GALNT13: variants seen among roughly 807,000 people sequenced by gnomAD.
The protein encoded by GALNT13 is polypeptide N-acetylgalactosaminyltransferase 13.
Under a neutral mutation model 64.2 loss-of-function variants are expected in GALNT13, and 28 were observed. The observed-to-expected ratio is 0.44, with a 90% CI of 0.32 to 0.60. The LOEUF (loss-of-function observed/expected upper bound fraction) is 0.60. Among genes scored for constraint, GALNT13 ranks in the 20% least tolerant of loss-of-function variants. The pLI is 0.05. For missense variants in GALNT13, 577 were observed against 669.8 expected (o/e 0.86, Z 1.53); for synonymous variants, 214 against 224.6 (o/e 0.95, Z 0.42).
the GALNT13 span, among the ~76,000 whole-genome samples, chr2:153,086,568 C>T: frequency 2.0e-5 from 3 of 152,138 alleles, no homozygotes; most frequent in African/African-American, 7.2e-5. Flanking sequence ...TCATTTGCCT[C>T]AGCCATGATT....
chr2:154,011,006 T>C (rs1344981354), intron 3 of GALNT13, among the ~76,000 whole-genome samples: 2 of 152,086 alleles, frequency 1.3e-5, no homozygotes, highest in Non-Finnish European at 2.9e-5. Flanking sequence ...TCTTTATTCA[T>C]ATAGCTAGTA....
the GALNT13 span, among the ~76,000 whole-genome samples, chr2:153,523,990 T>C: frequency 1.3e-5 from 2 of 152,200 alleles, no homozygotes; most frequent in Non-Finnish European, 1.5e-5. Context: ...AAACATTTAC[T>C]GGGAATTTTT....
At chr2:153,667,077 A>G in the GALNT13 span, among the ~76,000 whole-genome samples, 1 of 152,190 alleles carries the variant, frequency 6.6e-6, no homozygotes, top group South Asian at 2.1e-4. Flanking sequence ...TTCAGTCAGA[A>G]AAAAATAAAG....
At chr2:153,104,949 A>ATG in the GALNT13 span, among the ~76,000 whole-genome samples, 1 of 151,652 alleles carries the variant, frequency 6.6e-6, no homozygotes, top group Non-Finnish European at 1.5e-5. Flanking sequence ...GGTTAGTTAC[A>ATG]TATGTATACA....
chr2:154,027,072 G>A (rs765114613), intron 3 of GALNT13, among the ~76,000 whole-genome samples: 2 of 152,166 alleles, frequency 1.3e-5, no homozygotes, highest in African/African-American at 2.4e-5. Flanking sequence ...TTTATCTAGA[G>A]TGGAAGATTC....
At chr2:154,142,679 T>C (rs1420286765) in intron 4 of GALNT13, among the ~76,000 whole-genome samples, 3 of 151,964 alleles carry the variant, frequency 2.0e-5, no homozygotes, top group Non-Finnish European at 4.4e-5. Context: ...TTGTATACTT[T>C]TGAAATGTCT....
downstream of GALNT13, among the ~76,000 whole-genome samples, chr2:154,455,004 A>G (rs1702012886): frequency 6.6e-6 from 1 of 152,190 alleles, no homozygotes; most frequent in African/African-American, 2.4e-5. Context: ...GGAAATCAGC[A>G]GAGATTTCTA....
At chr2:153,885,007 C>G (rs1687073119) in intron 1 of GALNT13, among the ~76,000 whole-genome samples, 1 of 149,766 alleles carries the variant, frequency 6.7e-6, no homozygotes, top group Admixed American at 6.7e-5. Context: ...CCATTGCACT[C>G]CAGCCTGGCA....
At chr2:154,363,478 C>T (rs892085891) in intron 9 of GALNT13, among the ~76,000 whole-genome samples, 6 of 152,122 alleles carry the variant, frequency 3.9e-5, no homozygotes, top group East Asian at 1.9e-4. Context: ...GCTAATTGCA[C>T]GACCTTTTCT....
At chr2:153,490,685 C>T in the GALNT13 span, among the ~76,000 whole-genome samples, 11 of 152,262 alleles carry the variant, frequency 7.2e-5, no homozygotes, top group East Asian at 5.8e-4. Context: ...ATTGGCTGAG[C>T]GCAGTGGCTC....
intron 3 of GALNT13, among the ~76,000 whole-genome samples, chr2:154,093,530 C>G (rs1437076734): frequency 6.6e-6 from 1 of 151,932 alleles, no homozygotes; most frequent in Non-Finnish European, 1.5e-5. Flanking sequence ...AGAAGGAAAA[C>G]AGTTCAAACT....
At chr2:153,385,564 G>A in the GALNT13 span, among the ~76,000 whole-genome samples, 2 of 152,072 alleles carry the variant, frequency 1.3e-5, no homozygotes, top group South Asian at 4.1e-4. Flanking sequence ...GGGGTGGGGA[G>A]GTGGAGATGG....
the GALNT13 span, among the ~76,000 whole-genome samples, chr2:153,851,026 T>A: frequency 6.6e-6 from 1 of 152,190 alleles, no homozygotes; most frequent in Admixed American, 6.5e-5. Flanking sequence ...AATGAAAGAT[T>A]GACCAAATTT....
At chr2:154,090,781 C>T (rs1701765300) in intron 3 of GALNT13, among the ~76,000 whole-genome samples, 1 of 151,826 alleles carries the variant, frequency 6.6e-6, no homozygotes, top group Non-Finnish European at 1.5e-5. Context: ...ACATGTATGT[C>T]ACAAATATTT....
At chr2:153,223,817 A>G in the GALNT13 span, among the ~76,000 whole-genome samples, 1 of 151,878 alleles carries the variant, frequency 6.6e-6, no homozygotes, top group African/African-American at 2.4e-5. Context: ...AAAAACTACA[A>G]AAATTGTCCA....
At chr2:153,703,870 C>T in the GALNT13 span, among the ~76,000 whole-genome samples, 15 of 152,096 alleles carry the variant, frequency 9.9e-5, no homozygotes, top group Middle Eastern at 3.4e-3. Flanking sequence ...AGTCAAGTCA[C>T]CTTAATCACT....
chr2:153,097,189 T>C, the GALNT13 span, among the ~76,000 whole-genome samples: 3 of 152,132 alleles, frequency 2.0e-5, no homozygotes, highest in Non-Finnish European at 4.4e-5. Flanking sequence ...TTGTAACTTA[T>C]ACTGTTTCTA....
At chr2:154,327,390 G>T (rs1694934264) in intron 9 of GALNT13, among the ~76,000 whole-genome samples, 1 of 152,036 alleles carries the variant, frequency 6.6e-6, no homozygotes, top group Non-Finnish European at 1.5e-5. Flanking sequence ...GGTCTTGGAG[G>T]TTAACTGGTA....
rs1393770082 is a variant in GALNT13 at position 154,452,175 on chromosome 2, C to T, written c.*1624C>T. 1 of 152,054 alleles carries T rather than the reference C, an allele frequency of 6.6e-6. No homozygotes were observed. The highest frequency in any genetic ancestry group is 1.5e-5 in the Non-Finnish European group (1 of 67,996). 9.4% of individuals were successfully genotyped at this position (152,054 alleles called of 1,614,324 possible). A position where few individuals can be genotyped will look rare whatever the true frequency, so the allele number is the denominator to read the frequency against. On this transcript the variant is annotated 3_prime_UTR_variant, in exon 13 of 13. Transcript: ENST00000392825. ...TTGCTCTTTAAATATAGACACCCCT[C>T]ACCATGAGCTCTCTGTGAATCCGTG...
Sources: gnomAD v4.1 joint callset for allele counts (sites outside exome capture counted in the v4.1 genomes callset) on GRCh38, gnomAD v4.1.1 for gene constraint, MANE v1.5 for transcripts, NCBI Gene and HGNC (gene_info 2026-07-23, HGNC 2026-07-21) for gene names.